Variants in C1QTNF9B observed in about 807,000 individuals in gnomAD.
The protein encoded by C1QTNF9B is complement C1q and tumor necrosis factor-related protein 9B.
Under a neutral mutation model 10.1 loss-of-function variants are expected in C1QTNF9B, and 9 were observed. The ratio of observed to expected loss-of-function variants is 0.89; its 90% CI spans 0.53 to 1.55. The LOEUF is 1.55. Ranked by LOEUF, C1QTNF9B falls within the 40% of genes most tolerant of loss-of-function variation. The probability of loss-of-function intolerance (pLI) is 0.00; values close to 1 mark genes in which losing one functional copy is unlikely to be tolerated. For missense variants in C1QTNF9B, 196 were observed against 414.4 expected, an observed-to-expected ratio of 0.47 and a Z score of 4.58; for synonymous variants, 79 against 159.9, an observed-to-expected ratio of 0.49 and a Z score of 3.82.
chr13:23,896,195 C>G (rs1202071528), intron 1 of C1QTNF9B, among the ~76,000 whole-genome samples: 1 of 152,200 alleles, frequency 6.6e-6, no homozygotes, highest in Non-Finnish European at 1.5e-5. Flanking sequence ...AAGAATGGTA[C>G]CCCATTCAGA....
intron 1 of C1QTNF9B, among the ~76,000 whole-genome samples, chr13:23,894,923 C>T (rs1289383941): frequency 1.3e-5 from 2 of 152,200 alleles, no homozygotes; most frequent in Non-Finnish European, 2.9e-5. Flanking sequence ...CAGACTCTGG[C>T]TTCTCACAAA....
chr13:23,897,153 G>A (rs1872232665), upstream of C1QTNF9B: 3 of 877,702 alleles, frequency 3.4e-6, no homozygotes, highest in Non-Finnish European at 5.1e-6. Flanking sequence ...CTCAGGGCAG[G>A]GGAGCAAGCT....
Position 23,894,152 on chromosome 13 carries a change from C to T in C1QTNF9B, c.216G>A (p.Glu72=), listed in dbSNP as rs757235761. ...GGAACTACTAACCTCGTTCTCCCTT[C>T]TCTCCACTCGTCCCATCCTTCCCCG... The change falls in exon 2 of 3, where the codon GAG becomes GAA. Residue 72 remains glutamate (E), a synonymous_variant. Coordinates refer to ENST00000382137, the Ensembl canonical transcript of C1QTNF9B. 8.5e-6 allele frequency: 13 copies of T among 1,536,416 alleles called. No individual in the cohort carries two copies. In the South Asian group the frequency reaches 1.3e-4, roughly 16 times the overall value.
chr13:23,892,157 A>T, intron 2 of C1QTNF9B, 96 bp from the exon 5 acceptor site: 8 of 1,460,372 alleles, frequency 5.5e-6, no homozygotes, highest in Non-Finnish European at 7.5e-6. Flanking sequence ...AATGAAACAA[A>T]GTAGTACACA....
Position 23,891,148 on chromosome 13 carries a change from G to A in C1QTNF9B, c.*141C>T, listed in dbSNP as rs115927751. On this transcript the variant is annotated 3_prime_UTR_variant, in exon 3 of 3. Coordinates refer to ENST00000382137, the Ensembl canonical transcript of C1QTNF9B. ...AAAAATAGTAAGTTACATAGAATCAGTTTTGGGAATAACTTTTCCGTTTTC... is the reference window on the plus strand; with the variant it reads ...AAAAATAGTAAGTTACATAGAATCAATTTTGGGAATAACTTTTCCGTTTTC... 5.9e-4 allele frequency: 503 copies of A among 856,344 alleles called. 33 individuals carry two copies. The African/African-American group carries it at 8.0e-3, about 14-fold the overall frequency. The allele number at this position is 856,344 out of a possible 1,614,324, so 53.0% of individuals were successfully genotyped here. A position where few individuals can be genotyped will look rare whatever the true frequency, so the allele number is the denominator to read the frequency against.
At chr13:23,891,273 T>C (rs1229874328) in exon 3 of C1QTNF9B, 5 of 1,492,846 alleles carry the variant, frequency 3.3e-6, no homozygotes, top group Non-Finnish European at 4.5e-6. Context: ...CTGGCAGATT[T>C]ATAAACTCTC....
intron 2 of C1QTNF9B, among the ~76,000 whole-genome samples, chr13:23,892,934 A>T (rs1872068514): frequency 6.6e-6 from 1 of 152,148 alleles, no homozygotes; most frequent in African/African-American, 2.4e-5. Flanking sequence ...TGAACATAAA[A>T]TAAAGCCTGC....
intron 1 of C1QTNF9B, among the ~76,000 whole-genome samples, chr13:23,896,165 T>G (rs1872192887): frequency 6.6e-6 from 1 of 152,224 alleles, no homozygotes; most frequent in Non-Finnish European, 1.5e-5. Context: ...TATGTGACCC[T>G]ATGGTCAAGA....
At chr13:23,895,881 G>A (rs576166842) in intron 1 of C1QTNF9B, among the ~76,000 whole-genome samples, 2 of 152,066 alleles carry the variant, frequency 1.3e-5, no homozygotes, top group Non-Finnish European at 2.9e-5. Flanking sequence ...CCGGGGGACT[G>A]GAACAGTCTC....
chr13:23,896,236 G>C (rs1329249498), intron 1 of C1QTNF9B, among the ~76,000 whole-genome samples: 5 of 152,206 alleles, frequency 3.3e-5, no homozygotes, highest in Non-Finnish European at 7.3e-5. Flanking sequence ...GTTATGGAAA[G>C]CACTCAGACT....
At chr13:23,893,114 A>G (rs946986762) in intron 2 of C1QTNF9B, among the ~76,000 whole-genome samples, 3 of 152,138 alleles carry the variant, frequency 2.0e-5, no homozygotes, top group Non-Finnish European at 4.4e-5. Flanking sequence ...TTCTGTCCCC[A>G]TATGCACACA....
At chr13:23,894,479 A>G in intron 1 of C1QTNF9B, 1 of 622,042 alleles carries the variant, frequency 1.6e-6, no homozygotes, top group South Asian at 1.5e-5. Context: ...CAGGACGAAG[A>G]GGGAGTGTGT....
In C1QTNF9B at chr13:23,896,359, G is replaced by A. The variant is rs138699744; in HGVS notation, c.166+462C>T. ...AGCTGTATGTGTCATCTGTCACTCC[G>A]CATCTCCTGCTTCATGACATGATAT... is the stretch of plus-strand genomic sequence containing the variant. On this transcript the variant is annotated intron_variant, in intron 1 of 2. Transcript: ENST00000382137. 4.6e-5 allele frequency among the ~76,000 whole-genome samples: 7 copies of A among 152,282 alleles called. No individual in the cohort carries two copies. In the East Asian group the frequency reaches 7.7e-4, roughly 17 times the overall value.
exon 1 of C1QTNF9B, chr13:23,896,936 T>C (rs774476476): frequency 1.9e-6 from 3 of 1,614,046 alleles, no homozygotes; most frequent in Admixed American, 3.3e-5. Flanking sequence ...CCTGTGAGTT[T>C]ATGTTCCCTG....
intron 1 of C1QTNF9B, among the ~76,000 whole-genome samples, chr13:23,896,462 T>G (rs1436216690): frequency 7.2e-5 from 11 of 152,216 alleles, no homozygotes; most frequent in African/African-American, 7.2e-5. Flanking sequence ...ATTGGCCTCG[T>G]GTTGCCAAAA....
chr13:23,891,497 G>A (rs1262549338), exon 3 of C1QTNF9B: 4 of 1,602,542 alleles, frequency 2.5e-6, no homozygotes, highest in Non-Finnish European at 8.5e-7. Context: ...TTTGACCAAA[G>A]ACACCTGAAC....
chr13:23,896,556 A>C (rs1872205992), intron 1 of C1QTNF9B, among the ~76,000 whole-genome samples: 1 of 152,156 alleles, frequency 6.6e-6, no homozygotes, highest in South Asian at 2.1e-4. Flanking sequence ...GAGATGAGAG[A>C]ACCCAGGAGG....
At chr13:23,895,796 C>T (rs552081883) in intron 1 of C1QTNF9B, among the ~76,000 whole-genome samples, 1 of 149,816 alleles carries the variant, frequency 6.7e-6, no homozygotes, top group East Asian at 2.0e-4. Flanking sequence ...CCACTGTGGT[C>T]ACAGTGTGAG....
chr13:23,894,536 C>T (rs149562661), intron 1 of C1QTNF9B: 1 of 567,604 alleles, frequency 1.8e-6, no homozygotes, highest in East Asian at 3.8e-5. Flanking sequence ...TCTCCTGCGA[C>T]AAGGACTTGG....
Sources: gnomAD v4.1 joint callset for allele counts (sites outside exome capture counted in the v4.1 genomes callset) on GRCh38, gnomAD v4.1.1 for gene constraint, MANE v1.5 for transcripts, NCBI Gene and HGNC (gene_info 2026-07-23, HGNC 2026-07-21) for gene names.